Variants in CAMK1G observed in about 807,000 individuals in gnomAD.
CAMK1G encodes the protein calcium/calmodulin dependent protein kinase IG, also known as calcium/calmodulin-dependent protein kinase type 1G.
In CAMK1G, 27 loss-of-function variants were observed where a neutral mutation model predicts 54.8. That is an observed-to-expected ratio of 0.49 (90% CI 0.36 to 0.68). The LOEUF is 0.68. Among genes scored for constraint, CAMK1G ranks in the 30% least tolerant of loss-of-function variants. CAMK1G has a pLI of 0.00. For synonymous variants in CAMK1G, 238 were observed against 224.9 expected (o/e 1.06, Z -0.52); for missense variants, 512 against 591.0 (o/e 0.87, Z 1.39).
At position 209,611,781 on chromosome 1, in the gene CAMK1G, T is replaced by C; in HGVS notation, c.916-11T>C. 1.9e-6 allele frequency: 3 copies of C among 1,611,770 alleles called. No homozygotes were observed. The highest frequency in any genetic ancestry group is 2.5e-6 in the Non-Finnish European group (3 of 1,178,754). Reference sequence around the variant, plus strand: ...TGCAGAAGGCCAGAGGCTGCTCTTGTGTCTCCTTAGCAAGCCTTCAACGCA... The same window carrying C: ...TGCAGAAGGCCAGAGGCTGCTCTTGCGTCTCCTTAGCAAGCCTTCAACGCA... On this transcript the variant is annotated splice_polypyrimidine_tract_variant and intron_variant, in intron 10 of 12. Transcript: ENST00000361322.
chr1:209,596,160 G>C (rs1665377013), intron 2 of CAMK1G, among the ~76,000 whole-genome samples: 1 of 152,206 alleles, frequency 6.6e-6, no homozygotes, highest in African/African-American at 2.4e-5. Flanking sequence ...GACACTTCTG[G>C]GCCCTCCTGG....
chr1:209,612,796 C>T lies in CAMK1G; in HGVS notation c.1352C>T (p.Ser451Leu), dbSNP rs1024283499. Residue 451 changes from serine to leucine, a missense_variant, in exon 12 of 13, where the codon TCG becomes TTG. Coordinates refer to ENST00000361322, the MANE Select transcript of CAMK1G (RefSeq NM_020439.3). ...CATTTCCTTTCTAGGAACTTCAAGT[C>T]GGAGGTCATGGTACCAGTTAAAGCC... ...KKANKKQNFK[S>L]EVMVPVKASG... The T allele has an allele frequency of 1.2e-6, 2 of 1,613,998 alleles. No homozygotes were observed. Among genetic ancestry groups the T allele is most frequent in the Admixed American group, 1.7e-5 (1 of 60,016 alleles).
intron 11 of CAMK1G, 38 bp downstream of exon 11, chr1:209,612,254 G>A (rs916605478): frequency 3.7e-6 from 6 of 1,603,328 alleles, no homozygotes; most frequent in Non-Finnish European, 5.1e-6. Flanking sequence ...CCCAGCTTGG[G>A]TCTGAAAGAA....
At chr1:209,599,405 T>C (rs1485121902) in intron 2 of CAMK1G, among the ~76,000 whole-genome samples, 1 of 152,244 alleles carries the variant, frequency 6.6e-6, no homozygotes, top group African/African-American at 2.4e-5. Context: ...ATTCACCTCT[T>C]GTTCACAATT....
intron 9 of CAMK1G, 114 bp downstream of exon 9, chr1:209,610,043 G>A: frequency 2.3e-6 from 2 of 856,112 alleles, no homozygotes; most frequent in Non-Finnish European, 4.0e-6. Flanking sequence ...ATTTAATGAT[G>A]TGACAAGCAA....
chr1:209,597,319 T>G (rs1454753116), intron 2 of CAMK1G, among the ~76,000 whole-genome samples: 1 of 152,234 alleles, frequency 6.6e-6, no homozygotes, highest in Non-Finnish European at 1.5e-5. Flanking sequence ...GGCCCTGTCT[T>G]AAGTGTCCAT....
intron 1 of CAMK1G, among the ~76,000 whole-genome samples, chr1:209,591,312 A>G (rs910867758): frequency 3.9e-5 from 6 of 152,214 alleles, no homozygotes; most frequent in African/African-American, 1.4e-4. Context: ...AAGCTACCAG[A>G]TGTATATTCA....
Position 209,611,925 on chromosome 1 carries a change from C to T in CAMK1G, c.1049C>T (p.Ser350Phe). ...TQASETSRPS[S>F]PEITITEAPV... Reference sequence around the variant, plus strand: ...GCCTCAGAAACCTCTAGACCCAGCTCCCCTGAGATCACCATCACCGAGGCA... The same window carrying T: ...GCCTCAGAAACCTCTAGACCCAGCTTCCCTGAGATCACCATCACCGAGGCA... Residue 350 changes from serine (S) to phenylalanine (F), a missense_variant, in exon 11 of 13, where the codon TCC becomes TTC. Transcript: ENST00000361322. 1.2e-6 allele frequency: 2 copies of T among 1,614,262 alleles called. No individual in the cohort carries two copies. The highest frequency in any genetic ancestry group is 1.7e-6 in the Non-Finnish European group (2 of 1,180,054).
At position 209,605,553 on chromosome 1, in the gene CAMK1G, T is replaced by C; in HGVS notation, c.314T>C (p.Leu105Pro). Residue 105 changes from leucine (L) to proline (P), a missense_variant, in exon 5 of 13, where the codon CTC becomes CCC. Coordinates refer to ENST00000361322, the MANE Select transcript of CAMK1G (RefSeq NM_020439.3). ...LVMQLVSGGELFDRILERGVY... is the reference protein window; with the variant it reads ...LVMQLVSGGEPFDRILERGVY... ...GCCCACAGTGTTTCTGGTGGGGAGCTCTTTGACCGGATCCTGGAGCGGGGT... is the reference window on the plus strand; with the variant it reads ...GCCCACAGTGTTTCTGGTGGGGAGCCCTTTGACCGGATCCTGGAGCGGGGT... 1.2e-6 allele frequency: 2 copies of C among 1,613,978 alleles called. No homozygotes were observed. Among genetic ancestry groups the C allele is most frequent in the Non-Finnish European group, 1.7e-6 (2 of 1,179,928 alleles).
chr1:209,608,023 C>T (rs1665692922), intron 7 of CAMK1G, 90 bp downstream of exon 7: 3 of 963,300 alleles, frequency 3.1e-6, no homozygotes, highest in Admixed American at 2.0e-5. Context: ...AGCTCCTCCT[C>T]CAAGCACGTG....
chr1:209,585,413 T>C (rs926386), intron 1 of CAMK1G, among the ~76,000 whole-genome samples: 99,802 of 152,088 alleles, frequency 0.66, 33,000 homozygotes, highest in African/African-American at 0.71. Flanking sequence ...TCCCAGCAAC[T>C]GCCACCAGGA....
chr1:209,611,592 G>T (rs779908899), intron 10 of CAMK1G, 40 bp downstream of exon 10: 1 of 1,580,278 alleles, frequency 6.3e-7, no homozygotes, highest in Non-Finnish European at 8.7e-7. Flanking sequence ...GCTGTTCTGG[G>T]CCCCTGGAGG....
Position 209,610,155 on chromosome 1 carries a change from A to G in CAMK1G, c.827+226A>G, listed in dbSNP as rs1286923710. 2.6e-5 allele frequency among the ~76,000 whole-genome samples: 4 copies of G among 152,198 alleles called. No individual in the cohort carries two copies. In the South Asian group the frequency reaches 6.2e-4, roughly 24 times the overall value. On this transcript the variant is annotated intron_variant, in intron 9 of 12. Transcript: ENST00000361322. The stretch of plus-strand genomic sequence containing the variant: ...GCAGCTGGGTTGTCTGGTCAAGTGC[A>G]GGAGGCAGGTGCAGCCGAGCGCTGT...
intron 2 of CAMK1G, among the ~76,000 whole-genome samples, chr1:209,596,564 G>T (rs886456176): frequency 1.3e-5 from 2 of 151,928 alleles, no homozygotes; most frequent in African/African-American, 4.8e-5. Context: ...TAAGGAAAAG[G>T]TGAAATAATG....
At chr1:209,612,944 G>A (rs931780434) in intron 12 of CAMK1G, 32 bp downstream of exon 12, 8 of 1,154,188 alleles carry the variant, frequency 6.9e-6, no homozygotes, top group Non-Finnish European at 1.0e-5. Flanking sequence ...GGCTTGGGGA[G>A]AGTTTCTGTC....
intron 2 of CAMK1G, among the ~76,000 whole-genome samples, chr1:209,598,335 G>T (rs1665438089): frequency 6.6e-6 from 1 of 152,204 alleles, no homozygotes; most frequent in Non-Finnish European, 1.5e-5. Context: ...GGTACAGAGT[G>T]ATCACCACCA....
intron 7 of CAMK1G, 41 bp downstream of exon 7, chr1:209,607,974 CG>C (rs1558141105): frequency 2.7e-6 from 4 of 1,507,230 alleles, no homozygotes; most frequent in Non-Finnish European, 3.7e-6. Flanking sequence ...TGAGAAGTCT[CG>C]GAGCCTGCTT....
chr1:209,584,325 G>A (rs1665039815), intron 1 of CAMK1G, among the ~76,000 whole-genome samples: 1 of 152,192 alleles, frequency 6.6e-6, no homozygotes, highest in Non-Finnish European at 1.5e-5. Flanking sequence ...GCCTAAGGAA[G>A]ACGAGTCAGC....
At chr1:209,596,661 CCACACACACACA>C (rs55936082) in intron 2 of CAMK1G, among the ~76,000 whole-genome samples, 37,529 of 148,042 alleles carry the variant, frequency 0.25, 5,104 homozygotes, top group African/African-American at 0.37. Context: ...CACACACACA[CCACACACACACA>C]CACACACACA....
Sources: gnomAD v4.1 joint callset for allele counts (sites outside exome capture counted in the v4.1 genomes callset) on GRCh38, gnomAD v4.1.1 for gene constraint, MANE v1.5 for transcripts, NCBI Gene and HGNC (gene_info 2026-07-23, HGNC 2026-07-21) for gene names.